The following EDA variants were observed in gnomAD, a reference collection of about 807,000 sequenced individuals.
EDA encodes ectodysplasin A.
EDA carries 2 observed loss-of-function variants against 23.6 expected under a neutral mutation model. The observed-to-expected ratio is 0.08, with a 90% CI of 0.03 to 0.27. The LOEUF is 0.27. Ranked by LOEUF, EDA falls within the 10% of genes least tolerant of loss-of-function variation. EDA has a pLI of 1.00. For synonymous variants in EDA, 131 were observed against 132.0 expected, an observed-to-expected ratio of 0.99 and a Z score of 0.05; for missense variants, 229 against 324.2, an observed-to-expected ratio of 0.71 and a Z score of 2.26.
chrX:69,779,822 T>C (rs1292828419), intron 1 of EDA, among the ~76,000 whole-genome samples: 1 of 111,546 alleles, frequency 9.0e-6, no homozygotes, highest in East Asian at 2.8e-4. Context: ...TCTACCTAAT[T>C]CAGGAATACT....
intron 1 of EDA, among the ~76,000 whole-genome samples, chrX:69,708,809 G>C (rs2011847367): frequency 9.0e-6 from 1 of 110,881 alleles, no homozygotes; most frequent in South Asian, 3.8e-4. Flanking sequence ...GCAAATATAG[G>C]AGAAACTTAG....
At chrX:69,935,559 A>G (rs1047241012) in intron 1 of EDA, among the ~76,000 whole-genome samples, 1 of 111,807 alleles carries the variant, frequency 8.9e-6, no homozygotes, top group African/African-American at 3.2e-5. Context: ...GTTTTGTTTA[A>G]AAAGGACCAC....
chrX:69,725,982 T>G (rs1396696252), intron 1 of EDA, among the ~76,000 whole-genome samples: 2 of 111,648 alleles, frequency 1.8e-5, no homozygotes, highest in African/African-American at 6.5e-5. Context: ...GAAGCCAAAC[T>G]GAAAGTGGTA....
At chrX:69,888,605 T>A (rs1257426246) in intron 1 of EDA, among the ~76,000 whole-genome samples, 2 of 107,428 alleles carry the variant, frequency 1.9e-5, no homozygotes, top group Non-Finnish European at 3.8e-5. Flanking sequence ...GATGAAAAAA[T>A]ATATTGCATA....
chrX:69,807,978 C>T (rs1227458739), intron 1 of EDA, among the ~76,000 whole-genome samples: 1 of 111,417 alleles, frequency 9.0e-6, no homozygotes, highest in Non-Finnish European at 1.9e-5. Flanking sequence ...AAAGTACTTC[C>T]TTTACAAGTG....
chrX:69,824,516 T>A (rs2147524020), intron 1 of EDA, among the ~76,000 whole-genome samples: 1 of 110,444 alleles, frequency 9.1e-6, no homozygotes, highest in African/African-American at 3.3e-5. Context: ...TGTTGGTGTA[T>A]AAGAATGCTT....
chrX:69,637,760 A>G (rs2147226653), intron 1 of EDA, among the ~76,000 whole-genome samples: 1 of 111,506 alleles, frequency 9.0e-6, no homozygotes, highest in Non-Finnish European at 1.9e-5. Flanking sequence ...CCTTATAGCA[A>G]TAGTGCTTGG....
chrX:70,029,775 G>A (rs1237023404), intron 5 of EDA, among the ~76,000 whole-genome samples: 2 of 112,430 alleles, frequency 1.8e-5, no homozygotes, highest in Non-Finnish European at 3.8e-5. Context: ...TCATTCCACA[G>A]GAGACCCCAG....
chrX:69,722,146 C>A (rs1422318305), intron 1 of EDA, among the ~76,000 whole-genome samples: 1 of 111,572 alleles, frequency 9.0e-6, no homozygotes, highest in Admixed American at 9.5e-5. Flanking sequence ...CTGTTTTCAT[C>A]TTTCTTCAAC....
intron 1 of EDA, among the ~76,000 whole-genome samples, chrX:69,720,347 A>G (rs1449750933): frequency 1.8e-5 from 2 of 111,856 alleles, no homozygotes; most frequent in South Asian, 3.7e-4. Context: ...GTGTCTTAGC[A>G]TGGATTTCTT....
chrX:69,849,634 G>A (rs1339929152), intron 1 of EDA, among the ~76,000 whole-genome samples: 2 of 111,791 alleles, frequency 1.8e-5, no homozygotes, highest in African/African-American at 6.5e-5. Flanking sequence ...ATTCTCATTT[G>A]GCACTTAACG....
chrX:70,020,451 CG>C (rs2020016221), intron 2 of EDA, among the ~76,000 whole-genome samples: 1 of 109,494 alleles, frequency 9.1e-6, no homozygotes, highest in Admixed American at 9.7e-5. Context: ...CCCAGCTACT[CG>C]GGAGGCTGAG....
chrX:69,633,772 T>C (rs749170684), intron 1 of EDA, among the ~76,000 whole-genome samples: 74 of 112,685 alleles, frequency 6.6e-4, no homozygotes, highest in Admixed American at 1.3e-3. Flanking sequence ...TGATGAACAT[T>C]TGAGTTGTTT....
At chrX:69,817,555 G>A (rs1381611687) in intron 1 of EDA, among the ~76,000 whole-genome samples, 1 of 111,926 alleles carries the variant, frequency 8.9e-6, no homozygotes, top group African/African-American at 3.2e-5. Context: ...ACAGAAAAAA[G>A]CAAAGGTTGC....
At chrX:69,800,229 G>A (rs1283751803) in intron 1 of EDA, among the ~76,000 whole-genome samples, 1 of 111,688 alleles carries the variant, frequency 9.0e-6, no homozygotes, top group African/African-American at 3.3e-5. Flanking sequence ...GGTGGAAGCG[G>A]GGAGCAGGGG....
Position 69,838,354 on chromosome X carries a change from G to A in EDA, c.397-118673G>A, listed in dbSNP as rs897890301. On this transcript the variant is annotated intron_variant, in intron 1 of 7. Transcript: ENST00000374552. The stretch of plus-strand genomic sequence containing the variant: ...CAAGAAATAAACATCTGGGCTGGGC[G>A]TGGTGGCTCACGCCTGTAATCCCAG... 4.4e-5 allele frequency among the ~76,000 whole-genome samples: 5 copies of A among 113,390 alleles called. 1 individual carries two copies. Among genetic ancestry groups the A allele is most frequent in the South Asian group, 7.1e-4 (2 of 2,810 alleles).
intron 1 of EDA, among the ~76,000 whole-genome samples, chrX:69,779,934 A>G: frequency 9.0e-6 from 1 of 111,669 alleles, no homozygotes; most frequent in South Asian, 3.7e-4. Flanking sequence ...CCATGATACA[A>G]CTTGACTACC....
intron 1 of EDA, among the ~76,000 whole-genome samples, chrX:69,684,678 T>TG (rs1934487086): frequency 8.9e-6 from 1 of 112,359 alleles, no homozygotes; most frequent in Non-Finnish European, 1.9e-5. Context: ...TAAGGCAACA[T>TG]GAGGCAGTAA....
At chrX:69,652,269 A>G (rs1172525612) in intron 1 of EDA, among the ~76,000 whole-genome samples, 1 of 111,739 alleles carries the variant, frequency 8.9e-6, no homozygotes, top group East Asian at 2.8e-4. Context: ...GGAAGTGATT[A>G]CAATGGCAAA....
Sources: gnomAD v4.1 joint callset for allele counts (sites outside exome capture counted in the v4.1 genomes callset) on GRCh38, gnomAD v4.1.1 for gene constraint, MANE v1.5 for transcripts, NCBI Gene and HGNC (gene_info 2026-07-23, HGNC 2026-07-21) for gene names.